CNTN5: variants seen among roughly 807,000 people sequenced by gnomAD.
CNTN5 encodes the protein contactin 5.
Under a neutral mutation model 129.1 loss-of-function variants are expected in CNTN5, and 77 were observed. The ratio of observed to expected loss-of-function variants is 0.60; its 90% confidence interval spans 0.50 to 0.72. CNTN5 has a LOEUF of 0.72. Ranked by LOEUF, CNTN5 falls within the 30% of genes least tolerant of loss-of-function variation. The pLI is 0.00. For synonymous variants in CNTN5, 509 were observed against 465.6 expected, an observed-to-expected ratio of 1.09 and a Z score of -1.20; for missense variants, 1,478 against 1,328.8, an observed-to-expected ratio of 1.11 and a Z score of -1.75.
chr11:99,620,567 C>T (rs1262725591), intron 3 of CNTN5, among the ~76,000 whole-genome samples: 1 of 142,770 alleles, frequency 7.0e-6, no homozygotes, highest in Non-Finnish European at 1.5e-5. Flanking sequence ...AATAAATAAG[C>T]TATGCCTAAA....
At chr11:100,029,465 C>G (rs955547711) in intron 9 of CNTN5, among the ~76,000 whole-genome samples, 3 of 152,036 alleles carry the variant, frequency 2.0e-5, no homozygotes, top group African/African-American at 7.2e-5. Context: ...CGCCTGTAGT[C>G]CCAGCTACTC....
chr11:99,831,368 A>G (rs568872786), intron 4 of CNTN5, among the ~76,000 whole-genome samples: 2 of 152,296 alleles, frequency 1.3e-5, no homozygotes, highest in African/African-American at 4.8e-5. Context: ...AGATGAATAT[A>G]GAGAATGAGG....
chr11:99,504,544 A>AAG (rs906763247), intron 2 of CNTN5, among the ~76,000 whole-genome samples: 1 of 151,740 alleles, frequency 6.6e-6, no homozygotes, highest in Non-Finnish European at 1.5e-5. Context: ...AAAAAAAAAA[A>AAG]AAAGAAAGAA....
chr11:99,469,070 T>C (rs1945066583), intron 2 of CNTN5, among the ~76,000 whole-genome samples: 1 of 151,652 alleles, frequency 6.6e-6, no homozygotes, highest in African/African-American at 2.4e-5. Context: ...TTTATTTTGC[T>C]AGTAAGATAC....
At chr11:99,852,797 A>G (rs1304467774) in intron 6 of CNTN5, among the ~76,000 whole-genome samples, 2 of 152,184 alleles carry the variant, frequency 1.3e-5, no homozygotes, top group Admixed American at 6.5e-5. Flanking sequence ...AGGATCAGGG[A>G]CTGTATACAT....
intron 2 of CNTN5, among the ~76,000 whole-genome samples, chr11:99,522,677 G>T (rs544781448): frequency 6.6e-6 from 1 of 151,986 alleles, no homozygotes; most frequent in Non-Finnish European, 1.5e-5. Context: ...TAATGTAGTC[G>T]AAGGATCATA....
Position 99,035,759 on chromosome 11 carries a change from A to C in CNTN5, c.-210+14489A>C, listed in dbSNP as rs1387686971. On this transcript the variant is annotated intron_variant, in intron 1 of 24. Coordinates refer to ENST00000524871, the MANE Select transcript of CNTN5 (RefSeq NM_014361.4). ...TCTGTGTCTTTTAATTGGAGAATTT[A>C]GTCCATTTACATTTAAAGTTAATAT... is the stretch of plus-strand genomic sequence containing the variant. Among the ~76,000 whole-genome samples the C allele has an allele frequency of 2.0e-5, 3 of 149,078 alleles. No individual in the cohort carries two copies. The East Asian group carries it at 5.9e-4, about 30-fold the overall frequency.
intron 1 of CNTN5, among the ~76,000 whole-genome samples, chr11:99,067,005 T>C (rs1215828726): frequency 6.6e-6 from 1 of 152,164 alleles, no homozygotes. Flanking sequence ...AAACCTTTTA[T>C]TTCCATGAGC....
chr11:99,881,656 G>A (rs182100591), intron 6 of CNTN5, among the ~76,000 whole-genome samples: 1 of 152,156 alleles, frequency 6.6e-6, no homozygotes, highest in Admixed American at 6.5e-5. Context: ...TAAAATAAAG[G>A]GGGGGAGCTG....
At chr11:99,717,358 A>G (rs911978789) in intron 3 of CNTN5, among the ~76,000 whole-genome samples, 11 of 152,114 alleles carry the variant, frequency 7.2e-5, no homozygotes, top group Admixed American at 5.2e-4. Flanking sequence ...ATGTCATAAT[A>G]AATTTTCAAA....
chr11:99,886,544 G>T (rs556321707), intron 6 of CNTN5, among the ~76,000 whole-genome samples: 12 of 152,190 alleles, frequency 7.9e-5, no homozygotes, highest in Admixed American at 5.2e-4. Flanking sequence ...GTATTAGAGA[G>T]GTGTGGGTTA....
intron 2 of CNTN5, among the ~76,000 whole-genome samples, chr11:99,412,724 G>A (rs952944837): frequency 6.6e-6 from 1 of 152,168 alleles, no homozygotes; most frequent in Non-Finnish European, 1.5e-5. Context: ...CTCAATTCTA[G>A]CTTTTCACCA....
At chr11:99,577,049 A>T (rs1381567694) in intron 3 of CNTN5, among the ~76,000 whole-genome samples, 1 of 152,182 alleles carries the variant, frequency 6.6e-6, no homozygotes, top group African/African-American at 2.4e-5. Flanking sequence ...AATTTCTTTT[A>T]TTAATCAAAG....
chr11:99,707,012 G>T (rs1412942105), intron 3 of CNTN5, among the ~76,000 whole-genome samples: 1 of 151,116 alleles, frequency 6.6e-6, no homozygotes, highest in Non-Finnish European at 1.5e-5. Context: ...ACAGAGCCAG[G>T]ATTATTAAAA....
chr11:99,859,676 T>C (rs1183209887), intron 6 of CNTN5, among the ~76,000 whole-genome samples: 1 of 152,136 alleles, frequency 6.6e-6, no homozygotes, highest in Non-Finnish European at 1.5e-5. Flanking sequence ...TTCAAAGACA[T>C]CTTTCATTCT....
At chr11:100,206,322 A>C (rs1174874739) in intron 15 of CNTN5, among the ~76,000 whole-genome samples, 1 of 152,068 alleles carries the variant, frequency 6.6e-6, no homozygotes, top group African/African-American at 2.4e-5. Flanking sequence ...CCCAATAATA[A>C]ATAATGATCT....
At chr11:99,563,408 T>G (rs1948904079) in intron 3 of CNTN5, among the ~76,000 whole-genome samples, 1 of 151,542 alleles carries the variant, frequency 6.6e-6, no homozygotes, top group Non-Finnish European at 1.5e-5. Context: ...TGAGGAGGAG[T>G]GTGTGTCTTT....
At chr11:99,734,681 A>G (rs1591060665) in intron 3 of CNTN5, among the ~76,000 whole-genome samples, 1 of 149,722 alleles carries the variant, frequency 6.7e-6, no homozygotes, top group African/African-American at 2.5e-5. Context: ...GTGTGTCCCT[A>G]TTTACATTGT....
intron 7 of CNTN5, among the ~76,000 whole-genome samples, chr11:99,919,883 T>C (rs1457739831): frequency 6.6e-6 from 1 of 151,944 alleles, no homozygotes; most frequent in African/African-American, 2.4e-5. Context: ...CTTGAACTCC[T>C]AGGCTTAAGT....
Sources: allele counts gnomAD v4.1 joint callset (sites outside exome capture counted in the v4.1 genomes callset), GRCh38; gene constraint gnomAD v4.1.1; transcripts MANE v1.5; gene names NCBI Gene and HGNC (gene_info 2026-07-23, HGNC 2026-07-21).